The following ATG5 variants were observed in gnomAD, a reference collection of about 807,000 sequenced individuals.
The protein encoded by ATG5 is autophagy protein 5.
In ATG5, 14 loss-of-function variants were observed where a neutral mutation model predicts 36.5. The observed-to-expected ratio is 0.38, with a 90% CI of 0.25 to 0.60. The LOEUF is 0.60. Ranked by LOEUF, ATG5 falls within the 20% of genes least tolerant of loss-of-function variation. The pLI is 0.60. For synonymous variants in ATG5, 95 were observed against 101.5 expected, an observed-to-expected ratio of 0.94 and a Z score of 0.38; for missense variants, 195 against 326.7, an observed-to-expected ratio of 0.60 and a Z score of 3.11.
At chr6:106,194,340 C>T (rs890589034) in intron 7 of ATG5, among the ~76,000 whole-genome samples, 3 of 152,092 alleles carry the variant, frequency 2.0e-5, no homozygotes, top group African/African-American at 7.2e-5. Context: ...TCACGAGATA[C>T]TAACAAGCTT....
intron 4 of ATG5, among the ~76,000 whole-genome samples, chr6:106,285,281 A>G (rs981426978): frequency 6.6e-6 from 1 of 152,130 alleles, no homozygotes; most frequent in Non-Finnish European, 1.5e-5. Context: ...TACTGAATTT[A>G]TAATAGTTGC....
At position 106,191,229 on chromosome 6, in the gene ATG5, T is replaced by C. The variant is rs190403981; in HGVS notation, c.692-4553A>G. Among the ~76,000 whole-genome samples the C allele has an allele frequency of 3.0e-4, 46 of 152,312 alleles. 2 individuals carry two copies. In the East Asian group the frequency reaches 8.1e-3, roughly 27 times the overall value. ...AAAATGTTCCCTAGAATGAATCTTA[T>C]GATCATACCAGTGTAGAATTTTTCT... is the stretch of plus-strand genomic sequence containing the variant. On this transcript the variant is annotated intron_variant, in intron 7 of 7. Transcript: ENST00000369076.
At chr6:106,187,264 A>C (rs1237703161) in intron 7 of ATG5, among the ~76,000 whole-genome samples, 1 of 152,190 alleles carries the variant, frequency 6.6e-6, no homozygotes, top group Non-Finnish European at 1.5e-5. Context: ...AATCTGACTC[A>C]GGGATTCCTG....
chr6:106,262,715 AAGC>A (rs773577288), intron 5 of ATG5, among the ~76,000 whole-genome samples: 24 of 152,094 alleles, frequency 1.6e-4, no homozygotes, highest in Non-Finnish European at 3.4e-4. Context: ...GGGTGACCAG[AAGC>A]AGGGTGGGGC....
At chr6:106,315,964 G>A in intron 2 of ATG5, 137 bp downstream of exon 2, 1 of 639,650 alleles carries the variant, frequency 1.6e-6, no homozygotes, top group African/African-American at 1.9e-5. Flanking sequence ...ATGCTTATCT[G>A]TGTTAATTTT....
At chr6:106,300,987 A>C (rs921331701) in intron 3 of ATG5, among the ~76,000 whole-genome samples, 2 of 152,094 alleles carry the variant, frequency 1.3e-5, no homozygotes, top group Non-Finnish European at 2.9e-5. Context: ...CTAAGATCTA[A>C]ACCAAAATTA....
At chr6:106,316,752 C>T (rs1242028299) in intron 1 of ATG5, among the ~76,000 whole-genome samples, 1 of 152,200 alleles carries the variant, frequency 6.6e-6, no homozygotes, top group Admixed American at 6.5e-5. Context: ...ATATCTCTTT[C>T]ACATTGGGGA....
intron 5 of ATG5, among the ~76,000 whole-genome samples, chr6:106,274,384 T>A (rs1335477485): frequency 6.6e-6 from 1 of 152,204 alleles, no homozygotes; most frequent in African/African-American, 2.4e-5. Flanking sequence ...AAATGAGTTT[T>A]CTTGGTTTCA....
At chr6:106,224,775 G>C (rs948175559) in intron 6 of ATG5, among the ~76,000 whole-genome samples, 13 of 152,176 alleles carry the variant, frequency 8.5e-5, no homozygotes, top group African/African-American at 3.1e-4. Context: ...CAGCTACTCA[G>C]GAGGCTGAGG....
intron 4 of ATG5, among the ~76,000 whole-genome samples, chr6:106,286,860 A>C (rs1436315162): frequency 6.6e-6 from 1 of 152,188 alleles, no homozygotes; most frequent in Non-Finnish European, 1.5e-5. Flanking sequence ...TTCTGCCAGC[A>C]AACTAAGTCT....
intron 4 of ATG5, among the ~76,000 whole-genome samples, chr6:106,287,048 T>C (rs555753781): frequency 2.6e-5 from 4 of 152,288 alleles, no homozygotes; most frequent in South Asian, 2.1e-4. Context: ...TGTCAGACAA[T>C]AGTAGATAAC....
chr6:106,194,038 T>A (rs1776076081), intron 7 of ATG5, among the ~76,000 whole-genome samples: 1 of 152,210 alleles, frequency 6.6e-6, no homozygotes, highest in African/African-American at 2.4e-5. Flanking sequence ...AGAAGCATCT[T>A]CTGTCAGTCC....
At chr6:106,278,814 C>T (rs138304234) in intron 5 of ATG5, among the ~76,000 whole-genome samples, 2 of 152,264 alleles carry the variant, frequency 1.3e-5, no homozygotes, top group African/African-American at 4.8e-5. Context: ...AAATGAATAA[C>T]AGACATAGAG....
At chr6:106,256,439 T>C (rs946433050) in intron 5 of ATG5, among the ~76,000 whole-genome samples, 7 of 152,174 alleles carry the variant, frequency 4.6e-5, no homozygotes, top group Non-Finnish European at 8.8e-5. Context: ...ATCTGTACTT[T>C]TGAAAGCTCC....
chr6:106,289,236 T>G (rs1780208063), intron 4 of ATG5, among the ~76,000 whole-genome samples: 1 of 152,118 alleles, frequency 6.6e-6, no homozygotes, highest in Non-Finnish European at 1.5e-5. Context: ...GCCTGAAAAT[T>G]AACACTTACC....
At chr6:106,225,545 T>A (rs1777422307) in intron 6 of ATG5, among the ~76,000 whole-genome samples, 1 of 152,160 alleles carries the variant, frequency 6.6e-6, no homozygotes, top group Non-Finnish European at 1.5e-5. Flanking sequence ...AATCCATTTA[T>A]CCAAACTTGA....
At chr6:106,228,883 TG>T (rs1777551574) in intron 6 of ATG5, among the ~76,000 whole-genome samples, 1 of 152,244 alleles carries the variant, frequency 6.6e-6, no homozygotes. Context: ...TTGGTCTGCC[TG>T]GAGCCAGCTT....
chr6:106,194,200 A>G (rs982368367), intron 7 of ATG5, among the ~76,000 whole-genome samples: 6 of 152,216 alleles, frequency 3.9e-5, no homozygotes, highest in African/African-American at 1.4e-4. Flanking sequence ...AAAACCCGCA[A>G]TCTGATGAGG....
rs1776102866 is a variant in ATG5, at chr6:106,194,557, A to G, written c.691+7415T>C. On this transcript the variant is annotated intron_variant, in intron 7 of 7. Coordinates refer to ENST00000369076, the MANE Select transcript of ATG5 (RefSeq NM_004849.4). ...TCTTTTTCTTTTTCTTTTTTTTTTG[A>G]GATGGAGTTTCACTCTTGGTGCCCA... Among the ~76,000 whole-genome samples, 4 of 146,666 alleles carry G rather than the reference A, an allele frequency of 2.7e-5. No homozygotes were observed. The South Asian group carries it at 8.7e-4, about 32-fold the overall frequency.
Sources: allele counts gnomAD v4.1 joint callset (sites outside exome capture counted in the v4.1 genomes callset), GRCh38; gene constraint gnomAD v4.1.1; transcripts MANE v1.5; gene names NCBI Gene and HGNC (gene_info 2026-07-23, HGNC 2026-07-21).